The following FSTL5 variants were observed in gnomAD, a reference collection of about 807,000 sequenced individuals.
The protein encoded by FSTL5 is follistatin like 5, also known as follistatin-related protein 5.
FSTL5 carries 62 observed loss-of-function variants against 89.1 expected under a neutral mutation model. The ratio of observed to expected loss-of-function variants is 0.70; its 90% CI spans 0.57 to 0.86. The LOEUF is 0.86. Ranked by LOEUF, FSTL5 falls within the 40% of genes least tolerant of loss-of-function variation. The pLI is 0.00. For synonymous variants in FSTL5, 383 were observed against 346.2 expected, an observed-to-expected ratio of 1.11 and a Z score of -1.18; for missense variants, 1,057 against 1,001.6, an observed-to-expected ratio of 1.06 and a Z score of -0.75.
intron 4 of FSTL5, among the ~76,000 whole-genome samples, chr4:161,889,070 A>G (rs1362690364): frequency 6.6e-6 from 1 of 152,182 alleles, no homozygotes; most frequent in Non-Finnish European, 1.5e-5. Context: ...CTTTGCGTGT[A>G]TAACTGAGAA....
At chr4:162,047,462 T>C (rs1266307120) in intron 2 of FSTL5, 1 of 152,050 alleles carries the variant, frequency 6.6e-6, no homozygotes, top group Non-Finnish European at 1.5e-5. Context: ...GGTTGTGCCA[T>C]GCAGAGCAGC....
Position 162,098,673 on chromosome 4 carries a change from A to G in FSTL5, c.126+12598T>C, listed in dbSNP as rs929989037. Among the ~76,000 whole-genome samples the G allele has an allele frequency of 5.9e-5, 9 of 152,076 alleles. 1 individual carries two copies. Among genetic ancestry groups the G allele is most frequent in the Admixed American group, 2.6e-4 (4 of 15,262 alleles). ...GCAATACTAAATTTCAAGACTTACT[A>G]TTATACAAAGTCATAGTAAATAAGA... On this transcript the variant is annotated intron_variant, in intron 2 of 15. Transcript: ENST00000306100.
At chr4:161,678,666 G>C (rs1346136191) in intron 6 of FSTL5, among the ~76,000 whole-genome samples, 4 of 151,820 alleles carry the variant, frequency 2.6e-5, no homozygotes, top group Non-Finnish European at 5.9e-5. Context: ...ATGATGAAAA[G>C]TGAGAAATGG....
rs1269748300 is a variant in FSTL5, at chr4:161,472,143, AT to A, written c.1608+8876del. Among the ~76,000 whole-genome samples the A allele has an allele frequency of 4.6e-5, 7 of 151,850 alleles. No homozygotes were observed. In the South Asian group the frequency reaches 8.3e-4, roughly 18 times the overall value. The stretch of plus-strand genomic sequence containing the variant: ...AGGTGCTGGCCACCACGCCCGGCTA[AT>A]TTTTTTGTATTTTTAATAGAGACAG... On this transcript the variant is annotated intron_variant, in intron 13 of 15. Transcript: ENST00000306100.
chr4:161,965,576 A>G (rs1278095775), intron 3 of FSTL5, among the ~76,000 whole-genome samples: 1 of 152,146 alleles, frequency 6.6e-6, no homozygotes, highest in African/African-American at 2.4e-5. Context: ...TGTCTAGTAG[A>G]AATGAACCAG....
chr4:161,857,477 G>T (rs1349239066), intron 4 of FSTL5, among the ~76,000 whole-genome samples: 1 of 151,982 alleles, frequency 6.6e-6, no homozygotes, highest in South Asian at 2.1e-4. Flanking sequence ...TACTTATCTG[G>T]CTGGAATGCT....
chr4:162,039,919 G>GTA (rs1350357512), intron 2 of FSTL5, among the ~76,000 whole-genome samples: 1 of 151,972 alleles, frequency 6.6e-6, no homozygotes. Flanking sequence ...GTGTCCTTAT[G>GTA]TATATATACT....
rs373395262 is a variant in FSTL5, at chr4:161,959,471, T to C, written c.161-38819A>G. Among the ~76,000 whole-genome samples the C allele has an allele frequency of 1.1e-3, 164 of 152,252 alleles. 1 individual carries two copies. In the South Asian group the frequency reaches 0.022, roughly 21 times the overall value. ...GTAAATAGTTTCTAATGAATTAATG[T>C]ATAATGACTACATTTTCATGTTAAA... On this transcript the variant is annotated intron_variant, in intron 3 of 15. Coordinates refer to ENST00000306100, the MANE Select transcript of FSTL5 (RefSeq NM_020116.5).
At chr4:161,677,095 T>C (rs1305153102) in intron 6 of FSTL5, among the ~76,000 whole-genome samples, 1 of 152,158 alleles carries the variant, frequency 6.6e-6, no homozygotes, top group South Asian at 2.1e-4. Context: ...TTAAATTAAA[T>C]GATTGACCCC....
chr4:161,776,284 A>G (rs564549274), intron 4 of FSTL5, among the ~76,000 whole-genome samples: 66 of 152,216 alleles, frequency 4.3e-4, no homozygotes, highest in African/African-American at 1.5e-3. Flanking sequence ...TCTGATAACA[A>G]CATATTTCTT....
At chr4:161,420,734 C>A (rs1303451369) in intron 15 of FSTL5, among the ~76,000 whole-genome samples, 1 of 150,544 alleles carries the variant, frequency 6.6e-6, no homozygotes, top group Admixed American at 6.7e-5. Context: ...ATATTCAATA[C>A]CATATATATG....
intron 7 of FSTL5, among the ~76,000 whole-genome samples, chr4:161,647,317 C>A (rs1035960556): frequency 9.2e-5 from 14 of 152,146 alleles, no homozygotes; most frequent in Admixed American, 3.9e-4. Flanking sequence ...CATCTATGCA[C>A]AAACCGTGTA....
At chr4:161,524,796 A>G (rs1471985434) in intron 10 of FSTL5, among the ~76,000 whole-genome samples, 2 of 152,024 alleles carry the variant, frequency 1.3e-5, no homozygotes, top group South Asian at 2.1e-4. Flanking sequence ...TGTCTCTACT[A>G]AAAATACAAA....
At chr4:161,838,137 A>T (rs1409961921) in intron 4 of FSTL5, among the ~76,000 whole-genome samples, 1 of 152,212 alleles carries the variant, frequency 6.6e-6, no homozygotes, top group African/African-American at 2.4e-5. Flanking sequence ...AATCAAAATA[A>T]AACTCAACTA....
chr4:161,595,375 A>C (rs1733976340), intron 7 of FSTL5, among the ~76,000 whole-genome samples: 1 of 151,890 alleles, frequency 6.6e-6, no homozygotes, highest in South Asian at 2.1e-4. Context: ...GCCAATGGAC[A>C]CTCCATAAAT....
At chr4:161,525,306 G>C (rs1365375169) in intron 10 of FSTL5, among the ~76,000 whole-genome samples, 1 of 152,122 alleles carries the variant, frequency 6.6e-6, no homozygotes, top group Admixed American at 6.5e-5. Flanking sequence ...AAAGGTGAAA[G>C]CATGAATGAA....
intron 3 of FSTL5, among the ~76,000 whole-genome samples, chr4:161,928,873 T>C (rs560774671): frequency 1.3e-5 from 2 of 151,892 alleles, no homozygotes; most frequent in Non-Finnish European, 3.0e-5. Context: ...CAGTGGTTTT[T>C]GCAGAGAAAT....
At chr4:161,450,556 T>C (rs1188516455) in intron 15 of FSTL5, among the ~76,000 whole-genome samples, 1 of 152,184 alleles carries the variant, frequency 6.6e-6, no homozygotes, top group African/African-American at 2.4e-5. Flanking sequence ...TTACATGTAA[T>C]GATATTGTAA....
chr4:161,921,874 T>C (rs1486819790), intron 3 of FSTL5, among the ~76,000 whole-genome samples: 3 of 152,066 alleles, frequency 2.0e-5, no homozygotes, highest in African/African-American at 4.8e-5. Context: ...AGGGTTGCAA[T>C]TGGCACATAT....
Sources: allele counts gnomAD v4.1 joint callset (sites outside exome capture counted in the v4.1 genomes callset), GRCh38; gene constraint gnomAD v4.1.1; transcripts MANE v1.5; gene names NCBI Gene and HGNC (gene_info 2026-07-23, HGNC 2026-07-21).